The following BMX variants were observed in gnomAD, a reference collection of about 807,000 sequenced individuals.
The protein encoded by BMX is BMX non-receptor tyrosine kinase.
Under a neutral mutation model 59.2 loss-of-function variants are expected in BMX, and 31 were observed. That is an observed-to-expected ratio of 0.52 (90% CI 0.39 to 0.71). BMX has a LOEUF of 0.71. BMX is among the 30% of genes least tolerant of loss of function. BMX has a pLI of 0.00. For synonymous variants in BMX, 185 were observed against 181.0 expected (o/e 1.02, Z -0.18); for missense variants, 474 against 491.7 (o/e 0.96, Z 0.34).
intron 1 of BMX, among the ~76,000 whole-genome samples, chrX:15,506,187 C>T (rs1256240361): frequency 9.0e-6 from 1 of 111,584 alleles, no homozygotes; most frequent in Non-Finnish European, 1.9e-5. Flanking sequence ...GCATGAGACA[C>T]TGTGCCCTGC....
rs188021658 is a variant in BMX at position 15,540,339 on chromosome X, C to A, written c.1395-1643C>A. 1.4e-3 allele frequency among the ~76,000 whole-genome samples: 150 copies of A among 109,614 alleles called. 1 individual carries two copies. The highest frequency in any genetic ancestry group is 4.5e-3 in the African/African-American group (136 of 30,057). On this transcript the variant is annotated intron_variant, in intron 14 of 18. Transcript: ENST00000348343. Reference sequence around the variant, plus strand: ...AGCAAACTAACACAGGAACAGAAAACCGAACACCGCATGTTCTCACTCATA... The same window carrying A: ...AGCAAACTAACACAGGAACAGAAAAACGAACACCGCATGTTCTCACTCATA...
chrX:15,541,516 C>A (rs957384848), intron 14 of BMX, among the ~76,000 whole-genome samples: 3 of 111,099 alleles, frequency 2.7e-5, no homozygotes, highest in Non-Finnish European at 5.7e-5. Context: ...AAAATCAAAC[C>A]TCATCTGACT....
At chrX:15,521,301 A>G (rs144743625) in intron 6 of BMX, among the ~76,000 whole-genome samples, 1,863 of 112,402 alleles carry the variant, frequency 0.017, 17 homozygotes, top group Non-Finnish European at 0.026. Flanking sequence ...CTGGAATTAT[A>G]AAGTGTGTAG....
chrX:15,527,383 C>A (rs1260801299), intron 9 of BMX, among the ~76,000 whole-genome samples: 2 of 106,694 alleles, frequency 1.9e-5, no homozygotes, highest in Non-Finnish European at 3.9e-5. Flanking sequence ...GACTTCTGGG[C>A]AAATAAGAAC....
At chrX:15,521,465 A>C (rs1420467016) in intron 6 of BMX, among the ~76,000 whole-genome samples, 1 of 112,222 alleles carries the variant, frequency 8.9e-6, no homozygotes, top group Admixed American at 9.4e-5. Flanking sequence ...TTACTACACA[A>C]ATTTAGTGGC....
intron 4 of BMX, among the ~76,000 whole-genome samples, chrX:15,513,300 G>A (rs1326854752): frequency 8.9e-6 from 1 of 112,112 alleles, no homozygotes; most frequent in East Asian, 2.8e-4. Flanking sequence ...AGCCTTCCCA[G>A]AAGCCTCCCT....
At chrX:15,546,549 A>AT (rs1338566847) in intron 16 of BMX, among the ~76,000 whole-genome samples, 3 of 112,045 alleles carry the variant, frequency 2.7e-5, no homozygotes, top group African/African-American at 9.7e-5. Context: ...TTTCTGAGTA[A>AT]TTTTATCTTT....
intron 13 of BMX, 66 bp downstream of exon 13, chrX:15,536,493 A>G: frequency 1.2e-6 from 1 of 841,549 alleles, no homozygotes; most frequent in Non-Finnish European, 1.6e-6. Context: ...TATATGGTTA[A>G]TTTACTGGCA....
At chrX:15,540,571 TA>T (rs753898597) in intron 14 of BMX, among the ~76,000 whole-genome samples, 2,197 of 100,281 alleles carry the variant, frequency 0.022, 68 homozygotes, top group African/African-American at 0.073. Flanking sequence ...CAAAGTATAA[TA>T]AAAAAAAAAA....
chrX:15,556,130 G>T lies in BMX; in HGVS notation c.2011G>T (p.Glu671Ter). The T allele has an allele frequency of 8.3e-7, 1 of 1,206,323 alleles. No homozygotes were observed. The highest frequency in any genetic ancestry group is 1.1e-6 in the Non-Finnish European group (1 of 893,151). Residue 671 changes from glutamate (E) to a stop codon, truncating the protein, a stop_gained, in exon 19 of 19, where the codon GAA becomes TAA. Coordinates refer to ENST00000348343, the MANE Select transcript of BMX (RefSeq NM_203281.3). LOFTEE classifies it high-confidence loss of function. ...CCTGTCTTCCATTGAACCACTTCGG[G>T]AAAAAGACAAGCATTGAAGAAGAAA... The part of the protein sequence containing the change: ...QLLSSIEPLR[E>*]KDKH
At chrX:15,502,015 T>C (rs189535268) in intron 1 of BMX, among the ~76,000 whole-genome samples, 3 of 112,139 alleles carry the variant, frequency 2.7e-5, no homozygotes, top group African/African-American at 9.7e-5. Flanking sequence ...ATGGTCCTTT[T>C]TAAAACTTTG....
intron 18 of BMX, among the ~76,000 whole-genome samples, chrX:15,553,144 T>C (rs755590528): frequency 8.9e-6 from 1 of 112,354 alleles, no homozygotes; most frequent in Non-Finnish European, 1.9e-5. Flanking sequence ...ATAAAAGCTT[T>C]GGATTTTGCA....
chrX:15,504,464 T>C (rs923267954), intron 1 of BMX, among the ~76,000 whole-genome samples: 2 of 111,308 alleles, frequency 1.8e-5, no homozygotes, highest in African/African-American at 6.6e-5. Context: ...ATTAATTAGT[T>C]ATGCAGCCCA....
At position 15,541,800 on chromosome X, in the gene BMX, T is replaced by G. The variant is rs773689434; in HGVS notation, c.1395-182T>G. Among the ~76,000 whole-genome samples, 6 of 111,627 alleles carry G rather than the reference T, an allele frequency of 5.4e-5. No homozygotes were observed. In the South Asian group the frequency reaches 2.3e-3, roughly 42 times the overall value. ...TCTGATATGAGGCAGAAATTTTTTTTGCCTCCAAAGATAATTGTGCTTGAA... is the reference window on the plus strand; with the variant it reads ...TCTGATATGAGGCAGAAATTTTTTTGGCCTCCAAAGATAATTGTGCTTGAA... On this transcript the variant is annotated intron_variant, in intron 14 of 18. Transcript: ENST00000348343.
intron 6 of BMX, among the ~76,000 whole-genome samples, chrX:15,521,797 G>A (rs901522481): frequency 3.6e-5 from 4 of 111,329 alleles, no homozygotes; most frequent in Non-Finnish European, 5.7e-5. Flanking sequence ...GCCCCATCTC[G>A]AAATCCTTAA....
chrX:15,518,107 A>G, intron 6 of BMX, 114 bp downstream of exon 6: 1 of 592,102 alleles, frequency 1.7e-6, no homozygotes, highest in Non-Finnish European at 2.6e-6. Flanking sequence ...CAGCAAAGAG[A>G]GAAAAACCAT....
At chrX:15,527,960 CTT>C (rs1362403169) in intron 9 of BMX, among the ~76,000 whole-genome samples, 1 of 112,805 alleles carries the variant, frequency 8.9e-6, no homozygotes, top group East Asian at 2.8e-4. Flanking sequence ...AACACAAAGA[CTT>C]AAACCAATGG....
At chrX:15,552,413 A>C (rs1335668560) in intron 18 of BMX, among the ~76,000 whole-genome samples, 1 of 112,061 alleles carries the variant, frequency 8.9e-6, no homozygotes, top group Non-Finnish European at 1.9e-5. Flanking sequence ...TTTCTACCAC[A>C]CTTTTGAATA....
chrX:15,527,247 A>AAATAT (rs1569224683), intron 9 of BMX, among the ~76,000 whole-genome samples: 13 of 56,354 alleles, frequency 2.3e-4, no homozygotes, highest in Admixed American at 4.5e-4. Flanking sequence ...CACACACACA[A>AAATAT]ATATATATAT....
Sources: gnomAD v4.1 joint callset for allele counts (sites outside exome capture counted in the v4.1 genomes callset) on GRCh38, gnomAD v4.1.1 for gene constraint, MANE v1.5 for transcripts, NCBI Gene and HGNC (gene_info 2026-07-23, HGNC 2026-07-21) for gene names.